TMEM196: variants seen among roughly 807,000 people sequenced by gnomAD.
TMEM196 encodes transmembrane protein 196.
TMEM196 carries 17 observed loss-of-function variants against 20.0 expected under a neutral mutation model. The observed-to-expected ratio is 0.85, with a 90% confidence interval of 0.58 to 1.27. The LOEUF (loss-of-function observed/expected upper bound fraction) is 1.27. Ranked by LOEUF, TMEM196 falls within the 50% of genes most tolerant of loss-of-function variation. TMEM196 has a pLI of 0.00. For missense variants in TMEM196, 267 were observed against 223.0 expected (o/e 1.20, Z -1.26); for synonymous variants, 113 against 88.9 (o/e 1.27, Z -1.52).
chr7:19,735,440 T>C (rs1446511085), intron 1 of TMEM196, among the ~76,000 whole-genome samples: 1 of 152,208 alleles, frequency 6.6e-6, no homozygotes, highest in African/African-American at 2.4e-5. Context: ...CTAGTTTGTC[T>C]CTCTTCTCTG....
chr7:19,736,914 T>A (rs1301169202), intron 1 of TMEM196, among the ~76,000 whole-genome samples: 2 of 152,028 alleles, frequency 1.3e-5, no homozygotes, highest in Non-Finnish European at 2.9e-5. Context: ...AAGTCTCTAA[T>A]CTTTTCTAAA....
intron 1 of TMEM196, among the ~76,000 whole-genome samples, chr7:19,764,828 T>C (rs985849458): frequency 6.6e-5 from 10 of 152,016 alleles, no homozygotes; most frequent in African/African-American, 2.2e-4. Context: ...TTCCGGAAAA[T>C]AGATAAAAAG....
intron 3 of TMEM196, 101 bp from the exon 4 acceptor site, chr7:19,724,454 T>C (rs1328327587): frequency 2.0e-6 from 2 of 992,054 alleles, no homozygotes; most frequent in Non-Finnish European, 3.0e-6. Flanking sequence ...CCACTATTCA[T>C]ATATACATAT....
chr7:19,741,928 G>A (rs538493382), intron 1 of TMEM196, among the ~76,000 whole-genome samples: 14 of 152,236 alleles, frequency 9.2e-5, no homozygotes, highest in Admixed American at 3.3e-4. Flanking sequence ...GTTGGACAAC[G>A]TCTTAGCACT....
At chr7:19,725,869 T>G in intron 2 of TMEM196, 101 bp from the exon 3 acceptor site, 1 of 1,370,140 alleles carries the variant, frequency 7.3e-7, no homozygotes, top group Non-Finnish European at 9.7e-7. Context: ...TAGCCTACAA[T>G]AAAGAAGAAT....
At chr7:19,740,718 C>T (rs139671076) in intron 1 of TMEM196, among the ~76,000 whole-genome samples, 71 of 152,170 alleles carry the variant, frequency 4.7e-4, no homozygotes, top group African/African-American at 1.6e-3. Context: ...CCACAACCAC[C>T]GAGGTCATTG....
At chr7:19,739,792 T>C (rs1256547987) in intron 1 of TMEM196, among the ~76,000 whole-genome samples, 2 of 152,186 alleles carry the variant, frequency 1.3e-5, no homozygotes, top group Non-Finnish European at 2.9e-5. Flanking sequence ...CTAACTCAAA[T>C]ATGTTTCTTC....
At chr7:19,770,212 C>T (rs146838082) in intron 1 of TMEM196, among the ~76,000 whole-genome samples, 40 of 152,310 alleles carry the variant, frequency 2.6e-4, no homozygotes, top group African/African-American at 9.4e-4. Flanking sequence ...TCTCTGAAGT[C>T]ACATTCTAAT....
At chr7:19,763,106 C>G (rs912005800) in intron 1 of TMEM196, among the ~76,000 whole-genome samples, 1 of 152,158 alleles carries the variant, frequency 6.6e-6, no homozygotes, top group Non-Finnish European at 1.5e-5. Context: ...ATATTTCTCT[C>G]TTTAGGTGAT....
At chr7:19,728,301 G>A (rs563042660) in intron 2 of TMEM196, among the ~76,000 whole-genome samples, 61 of 151,838 alleles carry the variant, frequency 4.0e-4, no homozygotes, top group South Asian at 1.0e-3. Flanking sequence ...AAGAGTCTTC[G>A]TAGAGGAAGG....
chr7:19,757,935 G>T lies in TMEM196; in HGVS notation c.147+14615C>A, dbSNP rs187503600. Among the ~76,000 whole-genome samples, 249 of 149,926 alleles carry T rather than the reference G, an allele frequency of 1.7e-3. 2 individuals carry two copies. Among genetic ancestry groups the T allele is most frequent in the Non-Finnish European group, 1.1e-3 (76 of 67,534 alleles). On this transcript the variant is annotated intron_variant, in intron 1 of 4. Transcript: ENST00000405844. ...TAAAAGGCATTTATCTTTTAAAATA[G>T]TGTTGAATGAAGCCATTTTTATATA...
At chr7:19,750,311 A>G (rs191193548) in intron 1 of TMEM196, among the ~76,000 whole-genome samples, 1 of 152,370 alleles carries the variant, frequency 6.6e-6, no homozygotes, top group Non-Finnish European at 1.5e-5. Flanking sequence ...ATGTAAGCAT[A>G]TATCAAAACA....
At chr7:19,757,175 C>CTT (rs34970427) in intron 1 of TMEM196, among the ~76,000 whole-genome samples, 21,008 of 134,284 alleles carry the variant, frequency 0.16, 2,293 homozygotes, top group East Asian at 0.43. Flanking sequence ...GCAGTAGATA[C>CTT]TTTTTTTTTT....
At chr7:19,755,053 G>C (rs1321237695) in intron 1 of TMEM196, among the ~76,000 whole-genome samples, 1 of 152,088 alleles carries the variant, frequency 6.6e-6, no homozygotes, top group Admixed American at 6.5e-5. Context: ...TCAATCTTGG[G>C]TTATGGTACA....
At chr7:19,757,964 AC>A (rs1307953947) in intron 1 of TMEM196, among the ~76,000 whole-genome samples, 2 of 137,034 alleles carry the variant, frequency 1.5e-5, no homozygotes, top group Non-Finnish European at 3.1e-5. Context: ...TTATATATAT[AC>A]TTTTTTTTTT....
At chr7:19,722,492 G>T (rs1230856190) in intron 4 of TMEM196, among the ~76,000 whole-genome samples, 1 of 152,082 alleles carries the variant, frequency 6.6e-6, no homozygotes, top group East Asian at 1.9e-4. Context: ...ACTCTGCTGA[G>T]CATGTCAACA....
chr7:19,749,279 C>A (rs144793514), intron 1 of TMEM196, among the ~76,000 whole-genome samples: 3 of 152,240 alleles, frequency 2.0e-5, no homozygotes, highest in African/African-American at 7.2e-5. Context: ...ACACGTGATA[C>A]GGAGAGAGCC....
chr7:19,723,903 G>A (rs1011894049), intron 4 of TMEM196, among the ~76,000 whole-genome samples: 10 of 152,072 alleles, frequency 6.6e-5, no homozygotes, highest in African/African-American at 1.9e-4. Context: ...TTTAGCATGA[G>A]GAAAATACAC....
At chr7:19,740,492 T>C (rs1784546898) in intron 1 of TMEM196, among the ~76,000 whole-genome samples, 1 of 152,172 alleles carries the variant, frequency 6.6e-6, no homozygotes, top group South Asian at 2.1e-4. Flanking sequence ...GTTAAATAAG[T>C]TGACTCCTAT....
Sources: allele counts gnomAD v4.1 joint callset (sites outside exome capture counted in the v4.1 genomes callset), GRCh38; gene constraint gnomAD v4.1.1; transcripts MANE v1.5; gene names NCBI Gene and HGNC (gene_info 2026-07-23, HGNC 2026-07-21).